OPCML: variants seen among roughly 807,000 people sequenced by gnomAD.
OPCML encodes the protein opioid-binding protein/cell adhesion molecule.
OPCML carries 13 observed loss-of-function variants against 37.8 expected under a neutral mutation model. The observed-to-expected ratio is 0.34, with a 90% CI of 0.22 to 0.55. The LOEUF is 0.55. Among genes scored for constraint, OPCML ranks in the 20% least tolerant of loss-of-function variants. OPCML has a pLI of 0.91. For synonymous variants in OPCML, 176 were observed against 168.8 expected, an observed-to-expected ratio of 1.04 and a Z score of -0.33; for missense variants, 341 against 435.6, an observed-to-expected ratio of 0.78 and a Z score of 1.93.
At chr11:133,196,757 G>A (rs1033159506) in intron 1 of OPCML, among the ~76,000 whole-genome samples, 14 of 152,314 alleles carry the variant, frequency 9.2e-5, no homozygotes, top group African/African-American at 2.4e-4. Context: ...GAGCCAAGAT[G>A]CATAGTCAAT....
At chr11:133,276,684 C>T (rs1565543996) in intron 1 of OPCML, among the ~76,000 whole-genome samples, 3 of 152,236 alleles carry the variant, frequency 2.0e-5, no homozygotes, top group East Asian at 3.9e-4. Context: ...CCATTTTTCT[C>T]GATCTCTCTG....
At chr11:132,995,645 C>A (rs902062597) in intron 1 of OPCML, among the ~76,000 whole-genome samples, 3 of 151,822 alleles carry the variant, frequency 2.0e-5, no homozygotes, top group African/African-American at 4.8e-5. Flanking sequence ...TTTAAAGACC[C>A]CTAGAAGAGT....
chr11:132,593,311 A>C (rs561357749), intron 3 of OPCML, among the ~76,000 whole-genome samples: 28 of 152,256 alleles, frequency 1.8e-4, no homozygotes, highest in Admixed American at 3.3e-4. Flanking sequence ...TGGAAGGCGA[A>C]GTGGTGGAGG....
At chr11:133,334,803 C>T (rs1001565092) in intron 1 of OPCML, among the ~76,000 whole-genome samples, 1 of 152,128 alleles carries the variant, frequency 6.6e-6, no homozygotes, top group African/African-American at 2.4e-5. Context: ...GATTAACTTG[C>T]AATCTTCTGG....
At chr11:132,554,891 T>TC (rs1555152067) in intron 3 of OPCML, among the ~76,000 whole-genome samples, 2 of 138,896 alleles carry the variant, frequency 1.4e-5, no homozygotes, top group Non-Finnish European at 3.0e-5. Context: ...TTTTTTTTTT[T>TC]CATTAGCTCT....
chr11:133,415,649 G>T (rs768951198), intron 1 of OPCML, among the ~76,000 whole-genome samples: 1 of 152,276 alleles, frequency 6.6e-6, no homozygotes, highest in South Asian at 2.1e-4. Context: ...TGTGCATGTG[G>T]TACCTCACCT....
intron 2 of OPCML, among the ~76,000 whole-genome samples, chr11:132,868,296 A>ATT (rs67534174): frequency 0.048 from 3,732 of 77,470 alleles, 187 homozygotes; most frequent in East Asian, 0.099. Flanking sequence ...TGAGGCTGTG[A>ATT]TTTTTTTTTT....
intron 1 of OPCML, among the ~76,000 whole-genome samples, chr11:133,017,047 G>T (rs962370425): frequency 6.6e-6 from 1 of 152,176 alleles, no homozygotes; most frequent in Admixed American, 6.5e-5. Flanking sequence ...CACAGTTCTG[G>T]AGGTTGGAAT....
At chr11:133,327,232 C>T (rs1031639177) in intron 1 of OPCML, among the ~76,000 whole-genome samples, 6 of 140,724 alleles carry the variant, frequency 4.3e-5, no homozygotes, top group African/African-American at 1.3e-4. Flanking sequence ...TGTATGTGGG[C>T]GGGGGATATG....
chr11:133,371,715 C>T (rs1424700693), intron 1 of OPCML, among the ~76,000 whole-genome samples: 2 of 152,214 alleles, frequency 1.3e-5, no homozygotes, highest in Non-Finnish European at 2.9e-5. Flanking sequence ...CAATTAACCT[C>T]TTTTGTTTAT....
At chr11:133,137,367 C>A (rs780749157) in intron 1 of OPCML, among the ~76,000 whole-genome samples, 11 of 152,106 alleles carry the variant, frequency 7.2e-5, no homozygotes, top group Non-Finnish European at 1.3e-4. Flanking sequence ...TACTTTTCTG[C>A]GGTTTTACTT....
At chr11:133,202,265 G>A (rs1325295497) in intron 1 of OPCML, among the ~76,000 whole-genome samples, 3 of 152,128 alleles carry the variant, frequency 2.0e-5, no homozygotes, top group African/African-American at 7.2e-5. Flanking sequence ...ATGGGAGATG[G>A]CCAGTCCTAC....
At chr11:133,150,717 C>T (rs1000092997) in intron 1 of OPCML, among the ~76,000 whole-genome samples, 1 of 152,112 alleles carries the variant, frequency 6.6e-6, no homozygotes, top group Non-Finnish European at 1.5e-5. Flanking sequence ...CCTCCTCTCT[C>T]TTTTCTTTCC....
In OPCML at chr11:132,558,240, T is replaced by TTCTTCTTCTTCTTCC. The variant is rs796465875; in HGVS notation, c.380-29069_380-29055dup. On this transcript the variant is annotated intron_variant, in intron 3 of 7. Transcript: ENST00000524381. The stretch of plus-strand genomic sequence containing the variant: ...TCTCTTTTTCTTCTTCCTCTTTTTC[T>TTCTTCTTCTTCTTCC]TCTTCTTCTTCTTCCTCTTCCTTCT... 5.1e-4 allele frequency among the ~76,000 whole-genome samples: 77 copies of TTCTTCTTCTTCTTCC among 151,204 alleles called. 2 individuals carry two copies. Among genetic ancestry groups the TTCTTCTTCTTCTTCC allele is most frequent in the Middle Eastern group, 3.5e-3 (1 of 288 alleles).
chr11:133,425,891 A>C (rs1379241355), intron 1 of OPCML, among the ~76,000 whole-genome samples: 1 of 152,214 alleles, frequency 6.6e-6, no homozygotes, highest in Non-Finnish European at 1.5e-5. Context: ...TTTCTTAAAA[A>C]TAAAATAAAG....
intron 1 of OPCML, among the ~76,000 whole-genome samples, chr11:133,363,171 A>G (rs886110266): frequency 2.0e-5 from 3 of 151,816 alleles, no homozygotes; most frequent in African/African-American, 7.3e-5. Flanking sequence ...GAGGACAGCA[A>G]AGGCCCCGCG....
In OPCML at chr11:132,970,340, G is replaced by A. The variant is rs73586451; in HGVS notation, c.62-27330C>T. ...CTAATTACCCTTTTGGGAAGGGTGTGTTTGAATATGGAGAATCATACAAAT... is the reference window on the plus strand; with the variant it reads ...CTAATTACCCTTTTGGGAAGGGTGTATTTGAATATGGAGAATCATACAAAT... On this transcript the variant is annotated intron_variant, in intron 1 of 7. Coordinates refer to ENST00000524381, the MANE Select transcript of OPCML (RefSeq NM_001012393.5). Among the ~76,000 whole-genome samples the A allele has an allele frequency of 6.5e-3, 990 of 152,258 alleles. 9 individuals carry two copies. The highest frequency in any genetic ancestry group is 0.023 in the African/African-American group (945 of 41,542).
chr11:132,921,365 C>G, intron 2 of OPCML, among the ~76,000 whole-genome samples: 1 of 152,192 alleles, frequency 6.6e-6, no homozygotes, highest in South Asian at 2.1e-4. Flanking sequence ...GAAACACCCA[C>G]AGTGGGCCCT....
intron 1 of OPCML, among the ~76,000 whole-genome samples, chr11:133,076,216 C>T (rs1482737712): frequency 1.3e-5 from 2 of 152,112 alleles, no homozygotes; most frequent in Non-Finnish European, 2.9e-5. Flanking sequence ...CAAGGCAATG[C>T]ATGCATACCT....
Sources: gnomAD v4.1 joint callset for allele counts (sites outside exome capture counted in the v4.1 genomes callset) on GRCh38, gnomAD v4.1.1 for gene constraint, MANE v1.5 for transcripts, NCBI Gene and HGNC (gene_info 2026-07-23, HGNC 2026-07-21) for gene names.